BMP2K: variants seen among roughly 807,000 people sequenced by gnomAD.
The protein encoded by BMP2K is BMP2 inducible kinase.
In BMP2K, 74 loss-of-function variants were observed where a neutral mutation model predicts 116.0. The ratio of observed to expected loss-of-function variants is 0.64; its 90% CI spans 0.53 to 0.77. The LOEUF is 0.77. Ranked by LOEUF, BMP2K falls within the 30% of genes least tolerant of loss-of-function variation. The pLI is 0.00. For synonymous variants in BMP2K, 486 were observed against 502.5 expected (o/e 0.97, Z 0.44); for missense variants, 1,365 against 1,403.6 (o/e 0.97, Z 0.44).
intron 1 of BMP2K, among the ~76,000 whole-genome samples, chr4:78,822,145 G>T (rs1310083752): frequency 6.6e-6 from 1 of 152,074 alleles, no homozygotes; most frequent in Non-Finnish European, 1.5e-5. Flanking sequence ...GATATCCTGG[G>T]TGGGCTGGCA....
At chr4:78,793,794 TATTG>T (rs1347342318) in intron 1 of BMP2K, among the ~76,000 whole-genome samples, 1 of 152,136 alleles carries the variant, frequency 6.6e-6, no homozygotes, top group East Asian at 1.9e-4. Context: ...ATTTTTATAC[TATTG>T]ATTATATGTT....
intron 11 of BMP2K, 22 bp downstream of exon 11, chr4:78,871,082 ATATGGAAGTAG>A (rs1350808684): frequency 6.3e-7 from 1 of 1,597,668 alleles, no homozygotes; most frequent in Non-Finnish European, 8.5e-7. Flanking sequence ...GTTTCTTTAG[ATATGGAAGTAG>A]TGTGAAATTG....
chr4:78,870,177 G>A (rs1732261633), intron 10 of BMP2K, among the ~76,000 whole-genome samples: 1 of 152,180 alleles, frequency 6.6e-6, no homozygotes, highest in Admixed American at 6.5e-5. Context: ...AGGAGACAGT[G>A]TTAATAGATC....
At chr4:78,795,791 CTCA>C (rs1348522292) in intron 1 of BMP2K, among the ~76,000 whole-genome samples, 5 of 152,222 alleles carry the variant, frequency 3.3e-5, no homozygotes, top group African/African-American at 1.2e-4. Context: ...TGAAAAAATA[CTCA>C]TCATCTCACT....
Position 78,826,139 on chromosome 4 carries a change from G to T in BMP2K, c.281G>T (p.Arg94Met). Reference protein sequence around the residue: ...NNMPDLNVCKREITIMKELSG... With the variant: ...NNMPDLNVCKMEITIMKELSG... ...ATGCCAGACCTCAATGTTTGTAAAA[G>T]GGAAATTACAATTATGGTAAGTGAA... The change falls in exon 2 of 16, where the codon AGG becomes ATG. Residue 94 changes from arginine (R) to methionine (M), a missense_variant. Physicochemically the swap from Arg to Met is moderately conservative, Grantham distance 91. This residue lies in a region of BMP2K where 762 missense variants were observed against 756.7 expected (regional missense o/e 1.01). Transcript: ENST00000502613. 2 of 1,611,598 alleles carry T rather than the reference G, an allele frequency of 1.2e-6. No homozygotes were observed. The highest frequency in any genetic ancestry group is 8.5e-7 in the Non-Finnish European group (1 of 1,177,970).
At chr4:78,789,146 A>G (rs1161254808) in intron 1 of BMP2K, among the ~76,000 whole-genome samples, 1 of 152,130 alleles carries the variant, frequency 6.6e-6, no homozygotes, top group Non-Finnish European at 1.5e-5. Context: ...TTCTTTGAAA[A>G]TGCTAGTGCT....
At chr4:78,819,716 T>C (rs995579174) in intron 1 of BMP2K, among the ~76,000 whole-genome samples, 2 of 152,228 alleles carry the variant, frequency 1.3e-5, no homozygotes, top group Non-Finnish European at 2.9e-5. Context: ...CTTGATATGC[T>C]AGATTCCAAG....
At chr4:78,886,551 GC>G (rs552925676) in intron 14 of BMP2K, among the ~76,000 whole-genome samples, 172 of 152,258 alleles carry the variant, frequency 1.1e-3, no homozygotes, top group African/African-American at 4.0e-3. Flanking sequence ...CTAGAATAGT[GC>G]CTGGCACATT....
intron 1 of BMP2K, among the ~76,000 whole-genome samples, chr4:78,785,082 A>G (rs896601880): frequency 2.0e-5 from 3 of 152,102 alleles, no homozygotes; most frequent in African/African-American, 7.2e-5. Context: ...TTATTTTTTA[A>G]TCCTAAAGTA....
At chr4:78,806,684 C>A (rs939495923) in intron 1 of BMP2K, among the ~76,000 whole-genome samples, 1 of 151,996 alleles carries the variant, frequency 6.6e-6, no homozygotes, top group African/African-American at 2.4e-5. Context: ...CATCCTTGTT[C>A]CTGATCACAG....
intron 1 of BMP2K, among the ~76,000 whole-genome samples, chr4:78,821,018 A>G (rs909912842): frequency 3.3e-5 from 5 of 152,048 alleles, no homozygotes; most frequent in Admixed American, 6.5e-5. Context: ...CATTCTCCAA[A>G]TATCCCTTTT....
chr4:78,813,563 T>C (rs555287032), intron 1 of BMP2K, among the ~76,000 whole-genome samples: 4 of 152,220 alleles, frequency 2.6e-5, no homozygotes, highest in Non-Finnish European at 5.9e-5. Context: ...TTCTGATCCC[T>C]TTGCTGTTCC....
chr4:78,911,759 C>G lies in BMP2K; in HGVS notation c.3212C>G (p.Ala1071Gly), dbSNP rs781182898. ...GAGAGCCTGTTGGACCCCTTCGGTGCCAAGCCCTTCCATTCTCCAGACCTG... is the reference window on the plus strand; with the variant it reads ...GAGAGCCTGTTGGACCCCTTCGGTGGCAAGCCCTTCCATTCTCCAGACCTG... ...PEESLLDPFG[A>G]KPFHSPDLSW... Residue 1071 changes from alanine (A) to glycine (G), a missense_variant, in exon 16 of 16, where the codon GCC becomes GGC. By Grantham distance (60) the Ala-to-Gly change is moderately conservative. Coordinates refer to ENST00000502613, the MANE Select transcript of BMP2K (RefSeq NM_198892.2). 1 of 1,613,990 alleles carries G rather than the reference C, an allele frequency of 6.2e-7. No individual in the cohort carries two copies. Among genetic ancestry groups the G allele is most frequent in the South Asian group, 1.1e-5 (1 of 91,078 alleles).
At position 78,870,976 on chromosome 4, in the gene BMP2K, A is replaced by ACAG; in HGVS notation, c.1428_1430dup (p.Gln486dup). 1 of 1,608,564 alleles carries ACAG rather than the reference A, an allele frequency of 6.2e-7. No homozygotes were observed. Among genetic ancestry groups the ACAG allele is most frequent in the Non-Finnish European group, 8.5e-7 (1 of 1,177,926 alleles). ...AGCAACAGCAACAGCAGCAGCAGCA[A>ACAG]CAGCAACAGCAGCAGCAGCAGCAGC... On this transcript the variant is annotated inframe_insertion, in exon 11 of 16. Transcript: ENST00000502613.
In BMP2K at chr4:78,861,414, C is replaced by T; in HGVS notation, c.1013C>T (p.Pro338Leu). The change falls in exon 9 of 16, where the codon CCT becomes CTT. Residue 338 changes from proline (P) to leucine (L), a missense_variant. Coordinates refer to ENST00000502613, the MANE Select transcript of BMP2K (RefSeq NM_198892.2). ...INNSSIPSALPEPMTASEAAA... is the reference protein window; with the variant it reads ...INNSSIPSALLEPMTASEAAA... ...AATTCTTCTATTCCTTCAGCTCTTC[C>T]TGAACCGATGACTGCTAGTGAAGCA... is the stretch of plus-strand genomic sequence containing the variant. The T allele has an allele frequency of 6.2e-7, 1 of 1,606,996 alleles. No individual in the cohort carries two copies. Among genetic ancestry groups the T allele is most frequent in the Middle Eastern group, 1.7e-4 (1 of 6,028 alleles).
At position 78,909,304 on chromosome 4, in the gene BMP2K, GGGATTAC is replaced by G. The variant is rs1275505657; in HGVS notation, c.2063-1305_2063-1299del. 2.6e-5 allele frequency among the ~76,000 whole-genome samples: 4 copies of G among 152,050 alleles called. 1 individual carries two copies. The highest frequency in any genetic ancestry group is 2.6e-4 in the Admixed American group (4 of 15,264). ...ACCCGCCTTGGCCTCCCAAAGTGCTGGGATTACAGGGGTGAGCCACCGCACCCAGCCC... is the reference window on the plus strand; with the variant it reads ...ACCCGCCTTGGCCTCCCAAAGTGCTGAGGGGTGAGCCACCGCACCCAGCCC... On this transcript the variant is annotated intron_variant, in intron 15 of 15. Coordinates refer to ENST00000502613, the MANE Select transcript of BMP2K (RefSeq NM_198892.2).
intron 15 of BMP2K, among the ~76,000 whole-genome samples, chr4:78,897,491 T>A (rs1733764279): frequency 6.6e-6 from 1 of 152,150 alleles, no homozygotes; most frequent in South Asian, 2.1e-4. Context: ...AAACTTTGAA[T>A]AATATAGGAA....
intron 2 of BMP2K, among the ~76,000 whole-genome samples, chr4:78,828,835 T>C (rs939199421): frequency 6.6e-6 from 1 of 152,222 alleles, no homozygotes; most frequent in South Asian, 2.1e-4. Flanking sequence ...GTCTTGTTGC[T>C]GGTAGAGGGT....
chr4:78,903,303 G>T (rs1159049346), intron 15 of BMP2K, among the ~76,000 whole-genome samples: 1 of 151,936 alleles, frequency 6.6e-6, no homozygotes, highest in Non-Finnish European at 1.5e-5. Context: ...TCATTTTCCA[G>T]ATCACTAGAG....
Sources: allele counts gnomAD v4.1 joint callset (sites outside exome capture counted in the v4.1 genomes callset), GRCh38; gene constraint gnomAD v4.1.1; regional missense constraint gnomAD v4.1.1; transcripts MANE v1.5; gene names NCBI Gene and HGNC (gene_info 2026-07-23, HGNC 2026-07-21).